The following AMDHD1 variants were observed in gnomAD, a reference collection of about 807,000 sequenced individuals.
AMDHD1 encodes the protein probable imidazolonepropionase.
A neutral mutation model predicts 44.1 loss-of-function variants in AMDHD1; 45 were observed. That is an observed-to-expected ratio of 1.02 (90% CI 0.80 to 1.31). The LOEUF is 1.31. Ranked by LOEUF, AMDHD1 falls within the 50% of genes most tolerant of loss-of-function variation. The pLI, the probability that AMDHD1 is intolerant of heterozygous loss-of-function variation, is 0.00. For synonymous variants in AMDHD1, 206 were observed against 205.0 expected (o/e 1.00, Z -0.04); for missense variants, 586 against 552.1 (o/e 1.06, Z -0.61).
Position 95,967,959 on chromosome 12 carries a change from C to A in AMDHD1, c.*116C>A. ...ATATCACTTAAACCTAAATGTACTT[C>A]AATGTCTTTTTAAGTCACTCAAAAA... On this transcript the variant is annotated 3_prime_UTR_variant, in exon 9 of 9. Transcript: ENST00000266736. 1 of 727,144 alleles carries A rather than the reference C, an allele frequency of 1.4e-6. No homozygotes were observed. Among genetic ancestry groups the A allele is most frequent in the Non-Finnish European group, 2.2e-6 (1 of 457,496 alleles). 45.0% of individuals were successfully genotyped at this position (727,144 alleles called of 1,614,324 possible).
intron 8 of AMDHD1, among the ~76,000 whole-genome samples, 189 bp downstream of exon 8, chr12:95,966,697 A>G (rs770586555): frequency 6.6e-6 from 1 of 152,192 alleles, no homozygotes; most frequent in Non-Finnish European, 1.5e-5. Flanking sequence ...GGGTAGACCA[A>G]GTTTTCAAGA....
chr12:95,955,687 A>G (rs1225441455), intron 3 of AMDHD1, among the ~76,000 whole-genome samples: 2 of 152,186 alleles, frequency 1.3e-5, no homozygotes, highest in Non-Finnish European at 2.9e-5. Flanking sequence ...ATGTAGATGG[A>G]GAAAGCTGGG....
chr12:95,949,415 C>G (rs186498171), intron 1 of AMDHD1, among the ~76,000 whole-genome samples: 1 of 152,226 alleles, frequency 6.6e-6, no homozygotes, highest in African/African-American at 2.4e-5. Flanking sequence ...GTCTTGCTTG[C>G]TAATTTGCTT....
At chr12:95,963,152 G>A (rs1200806639) in intron 6 of AMDHD1, among the ~76,000 whole-genome samples, 1 of 152,216 alleles carries the variant, frequency 6.6e-6, no homozygotes, top group African/African-American at 2.4e-5. Flanking sequence ...CAGTCAAGAG[G>A]AAGTTTATCT....
intron 1 of AMDHD1, 129 bp downstream of exon 1, chr12:95,943,664 C>A: frequency 1.6e-6 from 2 of 1,267,326 alleles, no homozygotes; most frequent in Non-Finnish European, 2.0e-6. Context: ...GGCAAGCCAG[C>A]CTTTGGGGTA....
chr12:95,945,476 G>T (rs2080491227), intron 1 of AMDHD1, among the ~76,000 whole-genome samples: 2 of 152,110 alleles, frequency 1.3e-5, no homozygotes, highest in Admixed American at 1.3e-4. Flanking sequence ...GTATAGAATT[G>T]GAATAATTAT....
chr12:95,966,489 A>G lies in AMDHD1; in HGVS notation c.1174A>G (p.Ile392Val), dbSNP rs1358053806. ...GGAAGTTGGCAAACAGGGAGATCTC[A>G]TTATCATCAATTCATCCCGGTGAGT... is the stretch of plus-strand genomic sequence containing the variant. ...SLEVGKQGDL[I>V]IINSSRWEHL... Residue 392 changes from isoleucine to valine, a missense_variant, in exon 8 of 9, where the codon ATT (isoleucine) becomes GTT (valine). Ile to Val is a conservative substitution (Grantham distance 29). Coordinates refer to ENST00000266736, the MANE Select transcript of AMDHD1 (RefSeq NM_152435.3). 1 of 1,613,262 alleles carries G rather than the reference A, an allele frequency of 6.2e-7. No individual in the cohort carries two copies. Among genetic ancestry groups the G allele is most frequent in the Admixed American group, 1.7e-5 (1 of 60,006 alleles).
At chr12:95,957,928 C>G (rs1262061332) in intron 4 of AMDHD1, among the ~76,000 whole-genome samples, 1 of 152,142 alleles carries the variant, frequency 6.6e-6, no homozygotes, top group East Asian at 1.9e-4. Context: ...TGGCCCATGC[C>G]TGTAATCCCA....
At chr12:95,957,362 C>T (rs1246252321) in intron 4 of AMDHD1, among the ~76,000 whole-genome samples, 2 of 152,234 alleles carry the variant, frequency 1.3e-5, no homozygotes, top group South Asian at 2.1e-4. Context: ...CAAAGGGGTT[C>T]GTTTTTGTTC....
chr12:95,964,735 G>A (rs143277571), intron 6 of AMDHD1, among the ~76,000 whole-genome samples: 180 of 152,044 alleles, frequency 1.2e-3, no homozygotes, highest in African/African-American at 2.8e-3. Context: ...AATTAAATCT[G>A]TCCTCATTGC....
chr12:95,955,667 T>A (rs2080546031), intron 3 of AMDHD1, among the ~76,000 whole-genome samples: 1 of 152,158 alleles, frequency 6.6e-6, no homozygotes, highest in Non-Finnish European at 1.5e-5. Context: ...TACAGTCCAA[T>A]CCTCTCATTA....
At chr12:95,948,228 C>A (rs1592820867) in intron 1 of AMDHD1, among the ~76,000 whole-genome samples, 2 of 134,422 alleles carry the variant, frequency 1.5e-5, no homozygotes, top group Admixed American at 1.4e-4. Flanking sequence ...GGTCAGCCCC[C>A]CGCCCGGCCA....
At chr12:95,963,799 G>A (rs4762654) in intron 6 of AMDHD1, among the ~76,000 whole-genome samples, 81,289 of 151,984 alleles carry the variant, frequency 0.53, 22,348 homozygotes, top group African/African-American at 0.66. Flanking sequence ...GGGAAGCCGA[G>A]GTGGGCAGAT....
rs12581429 is a variant in AMDHD1 at position 95,964,147 on chromosome 12, T to G, written c.939-1539T>G. Among the ~76,000 whole-genome samples, 4,509 of 152,226 alleles carry G rather than the reference T, an allele frequency of 0.03. 450 individuals are homozygous for G. The East Asian group carries it at 0.39, about 13-fold the overall frequency. On this transcript the variant is annotated intron_variant, in intron 6 of 8. Transcript: ENST00000266736. ...AATTCAGCATTAAAAGTCTGAACTT[T>G]GTTCCTATACCAGCGGAGGCTGTCA...
intron 3 of AMDHD1, among the ~76,000 whole-genome samples, chr12:95,956,397 C>T (rs1480640778): frequency 6.6e-6 from 1 of 152,142 alleles, no homozygotes; most frequent in Non-Finnish European, 1.5e-5. Flanking sequence ...CGTGAGCCAC[C>T]GCGCCAGGCC....
At chr12:95,963,883 G>C (rs2080595289) in intron 6 of AMDHD1, among the ~76,000 whole-genome samples, 1 of 151,998 alleles carries the variant, frequency 6.6e-6, no homozygotes, top group Admixed American at 6.6e-5. Flanking sequence ...TACAAATTTA[G>C]CTGGGCATGG....
At chr12:95,950,006 C>T (rs185172044) in intron 1 of AMDHD1, among the ~76,000 whole-genome samples, 55 of 152,270 alleles carry the variant, frequency 3.6e-4, no homozygotes, top group Admixed American at 2.3e-3. Flanking sequence ...CCTGCACAGA[C>T]GGAGAATGTT....
At chr12:95,948,524 G>A (rs1263288365) in intron 1 of AMDHD1, among the ~76,000 whole-genome samples, 1 of 74,284 alleles carries the variant, frequency 1.3e-5, no homozygotes, top group Non-Finnish European at 2.6e-5. Context: ...CAGCTGCCCC[G>A]TCCGGGAGGG....
At chr12:95,952,696 T>C (rs1437208156) in intron 1 of AMDHD1, 21 bp from the exon 2 acceptor site, 1 of 1,467,186 alleles carries the variant, frequency 6.8e-7, no homozygotes, top group Non-Finnish European at 9.5e-7. Flanking sequence ...ATTTAATAAC[T>C]ATTTCTTGAT....
Sources: gnomAD v4.1 joint callset for allele counts (sites outside exome capture counted in the v4.1 genomes callset) on GRCh38, gnomAD v4.1.1 for gene constraint, MANE v1.5 for transcripts, NCBI Gene and HGNC (gene_info 2026-07-23, HGNC 2026-07-21) for gene names.